The following CHKA variants were observed in gnomAD, a reference collection of about 807,000 sequenced individuals.
CHKA encodes the protein CHETK-alpha.
CHKA carries 34 observed loss-of-function variants against 60.1 expected under a neutral mutation model. The observed-to-expected ratio is 0.57, with a 90% CI of 0.43 to 0.75. CHKA has a LOEUF of 0.75. Ranked by LOEUF, CHKA falls within the 30% of genes least tolerant of loss-of-function variation. The pLI, the probability that CHKA is intolerant of heterozygous loss-of-function variation, is 0.00. For synonymous variants in CHKA, 217 were observed against 223.1 expected, an observed-to-expected ratio of 0.97 and a Z score of 0.24; for missense variants, 563 against 561.3, an observed-to-expected ratio of 1.00 and a Z score of -0.03.
At position 68,081,517 on chromosome 11, in the gene CHKA, C is replaced by T. The variant is rs746666873; in HGVS notation, c.463-60G>A. The T allele has an allele frequency of 9.9e-5, 132 of 1,340,018 alleles. 1 individual carries two copies. Among genetic ancestry groups the T allele is most frequent in the Non-Finnish European group, 1.3e-4 (121 of 932,844 alleles). 83.0% of individuals were successfully genotyped at this position (1,340,018 alleles called of 1,614,324 possible). ...ATGGGGAACACTAAACAGACACTAA[C>T]TTTGCAACCACCAGAACAGTCAGGG... is the stretch of plus-strand genomic sequence containing the variant. On this transcript the variant is annotated intron_variant, in intron 2 of 11. Transcript: ENST00000265689.
Position 68,074,855 on chromosome 11 carries a change from G to T in CHKA, c.517-25C>A, listed in dbSNP as rs746867217. On this transcript the variant is annotated intron_variant, in intron 3 of 11. Transcript: ENST00000265689. Reference sequence around the variant, plus strand: ...CCTAAAACAGATGGCAACAAATCAGGTGTTTACTGAGTGTTTGCTAAGCGC... The same window carrying T: ...CCTAAAACAGATGGCAACAAATCAGTTGTTTACTGAGTGTTTGCTAAGCGC... 36 of 1,608,140 alleles carry T rather than the reference G, an allele frequency of 2.2e-5. 1 individual carries two copies. The Middle Eastern group carries it at 8.6e-4, about 39-fold the overall frequency.
chr11:68,105,534 AAAAAAAG>A (rs1857883569), intron 1 of CHKA, among the ~76,000 whole-genome samples: 2 of 150,422 alleles, frequency 1.3e-5, no homozygotes, highest in South Asian at 2.1e-4. Context: ...AAAAAAAAAA[AAAAAAAG>A]AAAAGAAAAA....
intron 11 of CHKA, among the ~76,000 whole-genome samples, chr11:68,056,708 C>T (rs1172353176): frequency 6.6e-6 from 1 of 152,068 alleles, no homozygotes; most frequent in Non-Finnish European, 1.5e-5. Context: ...ATCTCTTCAC[C>T]CTTAAAATAC....
intron 8 of CHKA, 32 bp downstream of exon 8, chr11:68,066,397 T>G: frequency 8.4e-5 from 124 of 1,474,614 alleles, no homozygotes; most frequent in Non-Finnish European, 1.1e-4. Context: ...AAATCAATAT[T>G]GAGATGGAAA....
At chr11:68,078,379 G>C (rs1426590923) in intron 3 of CHKA, among the ~76,000 whole-genome samples, 1 of 152,196 alleles carries the variant, frequency 6.6e-6, no homozygotes, top group Non-Finnish European at 1.5e-5. Context: ...TGCCAGGAAG[G>C]AGAGTGGTAT....
chr11:68,106,877 T>G (rs563084657), intron 1 of CHKA, among the ~76,000 whole-genome samples: 16 of 152,198 alleles, frequency 1.1e-4, no homozygotes, highest in Non-Finnish European at 1.8e-4. Context: ...AAAGCTGCCC[T>G]GTGTACTGCA....
At position 68,068,623 on chromosome 11, in the gene CHKA, G is replaced by T. The variant is rs184508300; in HGVS notation, c.928+256C>A. Among the ~76,000 whole-genome samples, 660 of 152,122 alleles carry T rather than the reference G, an allele frequency of 4.3e-3. 4 individuals carry two copies. The highest frequency in any genetic ancestry group is 0.015 in the African/African-American group (632 of 41,482). ...TGTAGAGATGGGGTCTTGCTATGTT[G>T]CCCAGGCTGGTCTAGAACTCCTGGG... On this transcript the variant is annotated intron_variant, in intron 7 of 11. Transcript: ENST00000265689.
chr11:68,099,826 T>C (rs561623119), intron 1 of CHKA, among the ~76,000 whole-genome samples: 1 of 152,312 alleles, frequency 6.6e-6, no homozygotes, highest in African/African-American at 2.4e-5. Flanking sequence ...TGAAGTACTG[T>C]TCTAAATTGT....
intron 4 of CHKA, among the ~76,000 whole-genome samples, chr11:68,073,595 A>G (rs1856691957): frequency 6.6e-6 from 1 of 152,180 alleles, no homozygotes; most frequent in Non-Finnish European, 1.5e-5. Flanking sequence ...AGCTAGCACA[A>G]CACTAGCACA....
At chr11:68,110,572 G>A (rs1858094026) in intron 1 of CHKA, among the ~76,000 whole-genome samples, 1 of 152,158 alleles carries the variant, frequency 6.6e-6, no homozygotes, top group African/African-American at 2.4e-5. Context: ...CACTCAATGT[G>A]TATTGAGTCA....
At chr11:68,063,311 C>A (rs1373719638) in intron 10 of CHKA, among the ~76,000 whole-genome samples, 1 of 151,986 alleles carries the variant, frequency 6.6e-6, no homozygotes, top group Non-Finnish European at 1.5e-5. Context: ...CCAGCCTGGG[C>A]AACAGAGCAA....
intron 3 of CHKA, 44 bp downstream of exon 3, chr11:68,081,360 C>T: frequency 6.5e-7 from 1 of 1,544,444 alleles, no homozygotes; most frequent in East Asian, 2.2e-5. Context: ...GTGGCTAACA[C>T]TAGTTCACAT....
Position 68,115,013 on chromosome 11 carries a change from T to A in CHKA, c.350+5815A>T, listed in dbSNP as rs1858331452. Among the ~76,000 whole-genome samples the A allele has an allele frequency of 2.0e-5, 3 of 152,214 alleles. No homozygotes were observed. In the South Asian group the frequency reaches 6.2e-4, roughly 32 times the overall value. ...TTTCGACTATACAATGGTACAAAGGTGATATGTATTCGGAAGAAACCATAC... is the reference window on the plus strand; with the variant it reads ...TTTCGACTATACAATGGTACAAAGGAGATATGTATTCGGAAGAAACCATAC... On this transcript the variant is annotated intron_variant, in intron 1 of 11. Coordinates refer to ENST00000265689, the MANE Select transcript of CHKA (RefSeq NM_001277.3).
intron 1 of CHKA, among the ~76,000 whole-genome samples, chr11:68,104,768 C>A (rs1857852294): frequency 6.6e-6 from 1 of 152,044 alleles, no homozygotes; most frequent in Non-Finnish European, 1.5e-5. Flanking sequence ...ATGAATAATG[C>A]TCCATTGCCT....
intron 1 of CHKA, among the ~76,000 whole-genome samples, chr11:68,111,922 G>A (rs1195630600): frequency 1.3e-5 from 2 of 149,684 alleles, no homozygotes; most frequent in African/African-American, 2.5e-5. Flanking sequence ...GCGTGGTGAC[G>A]CATGCCTGTA....
In CHKA at chr11:68,074,703, T is replaced by C. The variant is rs1395460578; in HGVS notation, c.630+14A>G. 2 of 1,613,152 alleles carry C rather than the reference T, an allele frequency of 1.2e-6. No individual in the cohort carries two copies. The highest frequency in any genetic ancestry group is 3.3e-5 in the Admixed American group (2 of 60,026). ...GTGGCATATGTCAACTAAGCGTTTA[T>C]GAACAAATCTTACCGGGATGAACTG... On this transcript the variant is annotated intron_variant, in intron 4 of 11. Transcript: ENST00000265689.
intron 2 of CHKA, among the ~76,000 whole-genome samples, chr11:68,083,431 A>G (rs866954308): frequency 6.6e-5 from 10 of 151,550 alleles, no homozygotes; most frequent in Non-Finnish European, 1.5e-4. Context: ...TTTAAGACAA[A>G]TAAGTTAGAT....
intron 9 of CHKA, among the ~76,000 whole-genome samples, 158 bp downstream of exon 9, chr11:68,065,628 A>G (rs756264353): frequency 1.3e-5 from 2 of 152,132 alleles, no homozygotes; most frequent in Non-Finnish European, 2.9e-5. Context: ...CTGAGCACAG[A>G]AGGTCAAGGG....
intron 2 of CHKA, among the ~76,000 whole-genome samples, chr11:68,094,312 C>T (rs550437796): frequency 1.3e-5 from 2 of 152,200 alleles, no homozygotes; most frequent in African/African-American, 4.8e-5. Context: ...GAGGACTAGA[C>T]GGGTGCATCA....
Sources: allele counts gnomAD v4.1 joint callset (sites outside exome capture counted in the v4.1 genomes callset), GRCh38; gene constraint gnomAD v4.1.1; transcripts MANE v1.5; gene names NCBI Gene and HGNC (gene_info 2026-07-23, HGNC 2026-07-21).